The following ITGB3 variants were observed in gnomAD, a reference collection of about 807,000 sequenced individuals.
The protein encoded by ITGB3 is integrin beta-3.
In ITGB3, 48 loss-of-function variants were observed where a neutral mutation model predicts 85.8. The observed-to-expected ratio is 0.56, with a 90% CI of 0.44 to 0.71. The LOEUF (loss-of-function observed/expected upper bound fraction) is 0.71. ITGB3 is among the 30% of genes least tolerant of loss of function. The pLI is 0.00. For synonymous variants in ITGB3, 363 were observed against 395.6 expected (o/e 0.92, Z 0.98); for missense variants, 861 against 1,019.1 (o/e 0.84, Z 2.11).
chr17:47,302,518 C>T (rs1452415581), intron 12 of ITGB3, among the ~76,000 whole-genome samples: 1 of 152,144 alleles, frequency 6.6e-6, no homozygotes, highest in Non-Finnish European at 1.5e-5. Flanking sequence ...CAAAAAGGGC[C>T]TATGCAGTAC....
intron 2 of ITGB3, among the ~76,000 whole-genome samples, chr17:47,277,223 CAT>C (rs1407376340): frequency 1.3e-5 from 2 of 152,178 alleles, no homozygotes; most frequent in Non-Finnish European, 2.9e-5. Flanking sequence ...TCAACAGTGA[CAT>C]GCTGGAGTCT....
Position 47,286,423 on chromosome 17 carries a change from G to A in ITGB3, c.777+1G>A, listed in dbSNP as rs745766760. On this transcript the variant is annotated splice_donor_variant, in intron 5 of 14. Coordinates refer to ENST00000559488, the MANE Select transcript of ITGB3 (RefSeq NM_000212.3). LOFTEE classifies it high-confidence loss of function. The stretch of plus-strand genomic sequence containing the variant: ...CATCATGCAGGCTACAGTCTGTGAT[G>A]TGAGTTTGGAGGACTTGGAGTGCCA... The A allele has an allele frequency of 1.5e-5, 24 of 1,613,974 alleles. No individual in the cohort carries two copies. In the Admixed American group the frequency reaches 4.0e-4, roughly 27 times the overall value.
intron 10 of ITGB3, among the ~76,000 whole-genome samples, chr17:47,296,871 T>G (rs954547628): frequency 6.6e-6 from 1 of 152,170 alleles, no homozygotes; most frequent in Non-Finnish European, 1.5e-5. Context: ...GGAGATGACT[T>G]ACTTATCTAG....
At position 47,299,475 on chromosome 17, in the gene ITGB3, T is replaced by G; in HGVS notation, c.1858T>G (p.Tyr620Asp). The G allele has an allele frequency of 6.2e-7, 1 of 1,614,250 alleles. No homozygotes were observed. Among genetic ancestry groups the G allele is most frequent in the Non-Finnish European group, 8.5e-7 (1 of 1,180,036 alleles). The change falls in exon 11 of 15, where the codon TAT (tyrosine) becomes GAT (aspartate). Residue 620 changes from tyrosine (Y) to aspartate (D), a missense_variant. Transcript: ENST00000559488. The surrounding 1 kb of genome is among the most constrained non-coding windows in gnomAD (Gnocchi z 5.1). ...CTGTGTCTGTATCCAGCCGGGCTCC[T>G]ATGGGGACACCTGTGAGAAGTGCCC... is the stretch of plus-strand genomic sequence containing the variant. The part of the protein sequence containing the change: ...GSCVCIQPGS[Y>D]GDTCEKCPTC...
At position 47,312,145 on chromosome 17, in the gene ITGB3, A is replaced by G. The variant is rs1452740460; in HGVS notation, c.*1941A>G. ...TATCCTCTCTCCAAACCCGTTTTCC[A>G]ACATTTGTTAATAGTTACGTCTCTC... On this transcript the variant is annotated 3_prime_UTR_variant, in exon 15 of 15. Coordinates refer to ENST00000559488, the MANE Select transcript of ITGB3 (RefSeq NM_000212.3). Among the ~76,000 whole-genome samples the G allele has an allele frequency of 1.3e-5, 2 of 152,362 alleles. No homozygotes were observed. Among genetic ancestry groups the G allele is most frequent in the African/African-American group, 2.4e-5 (1 of 41,602 alleles).
intron 1 of ITGB3, among the ~76,000 whole-genome samples, chr17:47,256,431 T>A (rs373956293): frequency 7.2e-5 from 11 of 151,996 alleles, no homozygotes; most frequent in African/African-American, 2.2e-4. Flanking sequence ...TGTACAGTAG[T>A]GTTTAAGGGC....
At chr17:47,304,699 C>T (rs1227901945) in intron 13 of ITGB3, among the ~76,000 whole-genome samples, 1 of 152,094 alleles carries the variant, frequency 6.6e-6, no homozygotes, top group Non-Finnish European at 1.5e-5. Flanking sequence ...TCTCTGCCTC[C>T]CAGGTTCAAG....
intron 2 of ITGB3, among the ~76,000 whole-genome samples, chr17:47,282,372 A>T (rs1235441872): frequency 2.0e-5 from 3 of 152,172 alleles, no homozygotes; most frequent in Non-Finnish European, 4.4e-5. Flanking sequence ...CTCTGTACCC[A>T]TCAAAACAGT....
At chr17:47,301,884 G>A (rs1046822500) in intron 12 of ITGB3, among the ~76,000 whole-genome samples, 7 of 152,186 alleles carry the variant, frequency 4.6e-5, no homozygotes, top group East Asian at 1.9e-4. Context: ...CCTGAAATCC[G>A]TACTCTTTTC....
At chr17:47,273,550 CTCG>C (rs917245073) in intron 1 of ITGB3, among the ~76,000 whole-genome samples, 2 of 152,246 alleles carry the variant, frequency 1.3e-5, no homozygotes, top group Non-Finnish European at 2.9e-5. Flanking sequence ...TCTGCTCCTC[CTCG>C]TAGCCTTTGC....
intron 10 of ITGB3, among the ~76,000 whole-genome samples, chr17:47,298,851 A>G (rs1469523975): frequency 6.6e-6 from 1 of 152,170 alleles, no homozygotes; most frequent in East Asian, 1.9e-4. Context: ...TGCCATCATC[A>G]AGTCACACCG....
intron 1 of ITGB3, among the ~76,000 whole-genome samples, chr17:47,268,684 G>A: frequency 6.6e-6 from 1 of 152,202 alleles, no homozygotes. Flanking sequence ...CTCTCTCCCA[G>A]CCACTTTCAT....
At chr17:47,278,169 A>C (rs1245955912) in intron 2 of ITGB3, among the ~76,000 whole-genome samples, 1 of 152,188 alleles carries the variant, frequency 6.6e-6, no homozygotes, top group Non-Finnish European at 1.5e-5. Context: ...CAGATGAGTT[A>C]ATCAAGACAG....
chr17:47,294,951 C>G (rs2065140148), intron 10 of ITGB3, among the ~76,000 whole-genome samples: 1 of 152,102 alleles, frequency 6.6e-6, no homozygotes, highest in South Asian at 2.1e-4. Context: ...TACTTTGGGC[C>G]TGGTCTTCAT....
chr17:47,308,184 T>TAATAATAATAATAAA (rs151170176), intron 14 of ITGB3, among the ~76,000 whole-genome samples: 1 of 148,662 alleles, frequency 6.7e-6, no homozygotes, highest in African/African-American at 2.5e-5. Flanking sequence ...ATAATAATAA[T>TAATAATAATAATAAA]AATAAAATAA....
chr17:47,296,955 C>G (rs937503634), intron 10 of ITGB3, among the ~76,000 whole-genome samples: 7 of 152,176 alleles, frequency 4.6e-5, no homozygotes, highest in African/African-American at 1.4e-4. Context: ...TTAAATAGTT[C>G]AGAACATTTG....
intron 13 of ITGB3, among the ~76,000 whole-genome samples, chr17:47,306,075 C>T (rs2065186787): frequency 6.6e-6 from 1 of 152,078 alleles, no homozygotes; most frequent in African/African-American, 2.4e-5. Flanking sequence ...GGATTCAAAC[C>T]CAGGGAGTCT....
At chr17:47,283,572 GGA>G in intron 3 of ITGB3, 23 bp downstream of exon 3, 1 of 1,611,920 alleles carries the variant, frequency 6.2e-7, no homozygotes, top group South Asian at 1.1e-5. Flanking sequence ...CTCTTTGCGG[GGA>G]GAGACCTGAA....
chr17:47,292,506 C>A lies in ITGB3; in HGVS notation c.1628C>A (p.Thr543Lys). Residue 543 changes from threonine to lysine, a missense_variant, in exon 10 of 15, where the codon ACG (threonine) becomes AAG (lysine). By Grantham distance (78) the Thr-to-Lys change is moderately conservative. Coordinates refer to ENST00000559488, the MANE Select transcript of ITGB3 (RefSeq NM_000212.3). ...VCHSSDFGKI[T>K]GKYCECDDFS... ...CACAGCAGTGACTTTGGCAAGATCA[C>A]GGGCAAGTACTGCGAGTGTGACGAC... is the stretch of plus-strand genomic sequence containing the variant. 1.9e-6 allele frequency: 3 copies of A among 1,607,780 alleles called. No individual in the cohort carries two copies. Among genetic ancestry groups the A allele is most frequent in the Non-Finnish European group, 2.5e-6 (3 of 1,179,502 alleles).
Sources: gnomAD v4.1 joint callset for allele counts (sites outside exome capture counted in the v4.1 genomes callset) on GRCh38, gnomAD v4.1.1 for gene constraint, Gnocchi (gnomAD v3.1) non-coding constraint, MANE v1.5 for transcripts, NCBI Gene and HGNC (gene_info 2026-07-23, HGNC 2026-07-21) for gene names.